Variants in ELP4 observed in about 807,000 individuals in gnomAD.
ELP4 encodes elongator acetyltransferase complex subunit 4.
Under a neutral mutation model 48.9 loss-of-function variants are expected in ELP4, and 51 were observed. The observed-to-expected ratio is 1.04, with a 90% confidence interval of 0.83 to 1.32. The LOEUF (loss-of-function observed/expected upper bound fraction) is 1.32, where lower values mean the gene tolerates loss of function less well. ELP4 is among the 40% of genes most tolerant of loss of function. The pLI, the probability that ELP4 is intolerant of heterozygous loss-of-function variation, is 0.00. For synonymous variants in ELP4, 210 were observed against 189.2 expected (o/e 1.11, Z -0.90); for missense variants, 519 against 514.6 (o/e 1.01, Z -0.08).
chr11:31,671,341 A>G (rs1445947373), intron 9 of ELP4, among the ~76,000 whole-genome samples: 2 of 152,230 alleles, frequency 1.3e-5, no homozygotes, highest in Non-Finnish European at 2.9e-5. Context: ...CTTGAGAGCA[A>G]AAATGATTTA....
intron 3 of ELP4, among the ~76,000 whole-genome samples, chr11:31,561,954 G>C (rs558409746): frequency 1.4e-4 from 22 of 152,308 alleles, no homozygotes; most frequent in Non-Finnish European, 2.9e-4. Context: ...TGCCTTGAAA[G>C]TCAGCACATT....
chr11:31,715,837 C>T (rs1946832112), intron 9 of ELP4, among the ~76,000 whole-genome samples: 1 of 152,100 alleles, frequency 6.6e-6, no homozygotes, highest in African/African-American at 2.4e-5. Context: ...TAGGATCTGA[C>T]ACAGAGCAAG....
intron 9 of ELP4, among the ~76,000 whole-genome samples, chr11:31,677,197 C>A (rs1344427250): frequency 6.6e-6 from 1 of 152,196 alleles, no homozygotes; most frequent in Admixed American, 6.5e-5. Context: ...TTTCTGTTGC[C>A]ATGAGTGTGT....
intron 1 of ELP4, among the ~76,000 whole-genome samples, chr11:31,518,001 G>A (rs1326746505): frequency 6.6e-6 from 1 of 152,028 alleles, no homozygotes. Context: ...GTGAATTTGT[G>A]TTTGAGACAT....
intron 9 of ELP4, among the ~76,000 whole-genome samples, chr11:31,693,929 C>A (rs1223235828): frequency 6.6e-6 from 1 of 152,090 alleles, no homozygotes; most frequent in East Asian, 1.9e-4. Context: ...TGAGCATTTT[C>A]TCATGTGTCT....
At chr11:31,758,726 G>A (rs1947882413) in intron 9 of ELP4, among the ~76,000 whole-genome samples, 1 of 150,586 alleles carries the variant, frequency 6.6e-6, no homozygotes, top group Non-Finnish European at 1.5e-5. Context: ...GAGTACAGTG[G>A]TGCAGTCACA....
chr11:31,708,654 C>G (rs757043135), intron 9 of ELP4, among the ~76,000 whole-genome samples: 1 of 151,992 alleles, frequency 6.6e-6, no homozygotes, highest in Admixed American at 6.6e-5. Context: ...GTATGAATGT[C>G]TTAAGAGAAG....
rs551886374 is a variant in ELP4 at position 31,639,443 on chromosome 11, T to A, written c.927+7038T>A. 3.9e-5 allele frequency among the ~76,000 whole-genome samples: 6 copies of A among 152,064 alleles called. No individual in the cohort carries two copies. The East Asian group carries it at 1.2e-3, about 30-fold the overall frequency. On this transcript the variant is annotated intron_variant, in intron 7 of 9. Coordinates refer to ENST00000640961, the MANE Select transcript of ELP4 (RefSeq NM_019040.5). ...CCTTCTACCATAGACTTTGGACTTATAATTCTTACAGCTCAAGCTTTTTTT... is the reference window on the plus strand; with the variant it reads ...CCTTCTACCATAGACTTTGGACTTAAAATTCTTACAGCTCAAGCTTTTTTT...
chr11:31,735,190 A>G (rs1035042331), intron 9 of ELP4, among the ~76,000 whole-genome samples: 3 of 151,456 alleles, frequency 2.0e-5, no homozygotes, highest in Non-Finnish European at 4.4e-5. Context: ...CAAAAAAAAG[A>G]GATTGGATCC....
intron 5 of ELP4, among the ~76,000 whole-genome samples, chr11:31,609,967 G>A (rs569574725): frequency 6.6e-6 from 1 of 152,130 alleles, no homozygotes; most frequent in Non-Finnish European, 1.5e-5. Flanking sequence ...AATCACCTGA[G>A]ACTGAGAGGC....
intron 3 of ELP4, among the ~76,000 whole-genome samples, chr11:31,544,894 G>T (rs1234968231): frequency 6.6e-6 from 1 of 152,064 alleles, no homozygotes; most frequent in Non-Finnish European, 1.5e-5. Context: ...GGCAAACAGG[G>T]TCTGGAGTGG....
chr11:31,567,121 T>A (rs937474616), intron 3 of ELP4, among the ~76,000 whole-genome samples: 46 of 152,052 alleles, frequency 3.0e-4, no homozygotes, highest in African/African-American at 1.1e-3. Flanking sequence ...TTAGTAGAGA[T>A]GGGGTTTCTC....
intron 3 of ELP4, among the ~76,000 whole-genome samples, chr11:31,541,724 T>C (rs1228656524): frequency 6.6e-6 from 1 of 152,250 alleles, no homozygotes; most frequent in Non-Finnish European, 1.5e-5. Context: ...CCCTGACATC[T>C]TTCTTAGGGG....
At chr11:31,747,033 CTG>C (rs34776621) in intron 9 of ELP4, among the ~76,000 whole-genome samples, 7,221 of 149,822 alleles carry the variant, frequency 0.048, 332 homozygotes, top group African/African-American at 0.11. Flanking sequence ...CAGACTAACA[CTG>C]TGTGTGTGTG....
chr11:31,565,550 A>G (rs1481887139), intron 3 of ELP4, among the ~76,000 whole-genome samples: 3 of 146,830 alleles, frequency 2.0e-5, no homozygotes, highest in East Asian at 1.9e-4. Flanking sequence ...TAATTTTTGT[A>G]TAAGGTGTAA....
intron 3 of ELP4, among the ~76,000 whole-genome samples, chr11:31,578,162 G>A (rs184310817): frequency 2.8e-4 from 43 of 152,258 alleles, no homozygotes; most frequent in Admixed American, 2.5e-3. Context: ...CAGACAGAGA[G>A]CCAAATCATG....
chr11:31,575,458 C>T (rs545267515), intron 3 of ELP4, among the ~76,000 whole-genome samples: 18 of 152,112 alleles, frequency 1.2e-4, no homozygotes, highest in Admixed American at 2.6e-4. Flanking sequence ...AGATACTCCT[C>T]GAGAAGAGCA....
intron 9 of ELP4, among the ~76,000 whole-genome samples, chr11:31,717,798 G>A (rs1195985459): frequency 1.3e-5 from 2 of 151,642 alleles, no homozygotes; most frequent in Non-Finnish European, 2.9e-5. Flanking sequence ...TTTCAGTGAA[G>A]TTTATTTCCT....
At chr11:31,615,547 G>A (rs7131363) in intron 5 of ELP4, among the ~76,000 whole-genome samples, 4,043 of 150,624 alleles carry the variant, frequency 0.027, 168 homozygotes, top group African/African-American at 0.093. Context: ...TTTTTACTTC[G>A]AAAAAAATGT....
Sources: allele counts gnomAD v4.1 joint callset (sites outside exome capture counted in the v4.1 genomes callset), GRCh38; gene constraint gnomAD v4.1.1; transcripts MANE v1.5; gene names NCBI Gene and HGNC (gene_info 2026-07-23, HGNC 2026-07-21).